Variants in KIRREL3 observed in about 807,000 individuals in gnomAD.
KIRREL3 encodes kirre like nephrin family adhesion molecule 3.
KIRREL3 carries 36 observed loss-of-function variants against 89.7 expected under a neutral mutation model. That is an observed-to-expected ratio of 0.40 (90% CI 0.31 to 0.53). The LOEUF (loss-of-function observed/expected upper bound fraction) is 0.53. Ranked by LOEUF, KIRREL3 falls within the 20% of genes least tolerant of loss-of-function variation. The probability of loss-of-function intolerance (pLI) is 0.49; values close to 1 mark genes in which losing one functional copy is unlikely to be tolerated. For missense variants in KIRREL3, 864 were observed against 1,056.6 expected, an observed-to-expected ratio of 0.82 and a Z score of 2.53; for synonymous variants, 445 against 441.4, an observed-to-expected ratio of 1.01 and a Z score of -0.10.
chr11:126,436,455 CA>C (rs1049250534), intron 12 of KIRREL3, among the ~76,000 whole-genome samples: 3 of 152,260 alleles, frequency 2.0e-5, no homozygotes, highest in African/African-American at 7.2e-5. Flanking sequence ...GGGCCCATGG[CA>C]GAGGGCAGGG....
chr11:126,470,152 C>A (rs1487758320), intron 5 of KIRREL3, among the ~76,000 whole-genome samples: 1 of 152,250 alleles, frequency 6.6e-6, no homozygotes, highest in Admixed American at 6.5e-5. Context: ...AGCAGAGTGA[C>A]CCTGACCTCT....
rs58288550 is a variant in KIRREL3 at position 126,677,052 on chromosome 11, A to ATT, written c.56-114142_56-114141dup. On this transcript the variant is annotated intron_variant, in intron 1 of 16. Coordinates refer to ENST00000525144, the MANE Select transcript of KIRREL3 (RefSeq NM_032531.4). This position sits in a 1 kb window ranked among gnomAD's most constrained non-coding sequence, Gnocchi z 5.1. ...ATCCTCCCGCCTTGGCCTCTCAAAGATTTTTTTTTTTTAACAGCTGTATTG... is the reference window on the plus strand; with the variant it reads ...ATCCTCCCGCCTTGGCCTCTCAAAGATTTTTTTTTTTTTTAACAGCTGTATTG... 6.8e-6 allele frequency among the ~76,000 whole-genome samples: 1 copy of ATT among 146,902 alleles called. No homozygotes were observed. The highest frequency in any genetic ancestry group is 6.8e-5 in the Admixed American group (1 of 14,712).
intron 1 of KIRREL3, among the ~76,000 whole-genome samples, chr11:126,868,792 A>G (rs1328219693): frequency 1.3e-5 from 2 of 152,138 alleles, no homozygotes; most frequent in South Asian, 4.2e-4. Context: ...AACAACAGAG[A>G]TTTACTTCTC....
intron 9 of KIRREL3, among the ~76,000 whole-genome samples, chr11:126,446,262 T>TTC (rs144564841): frequency 2.4e-4 from 33 of 137,914 alleles, no homozygotes; most frequent in Non-Finnish European, 4.3e-4. Flanking sequence ...TTTCTTTTCT[T>TTC]TCTCTCTCTT....
In KIRREL3 at chr11:126,969,514, A is replaced by T. The variant is rs1949372196; in HGVS notation, c.55+30941T>A. Among the ~76,000 whole-genome samples the T allele has an allele frequency of 6.6e-6, 1 of 152,142 alleles. No individual in the cohort carries two copies. ...GAAGAGGGAGTAAGAACGTCTCCTG[A>T]GGGCGGAGGCTGTGGGTAGCAATGG... On this transcript the variant is annotated intron_variant, in intron 1 of 16. Coordinates refer to ENST00000525144, the MANE Select transcript of KIRREL3 (RefSeq NM_032531.4). This position sits in a 1 kb window ranked among gnomAD's most constrained non-coding sequence, Gnocchi z 4.9.
intron 1 of KIRREL3, among the ~76,000 whole-genome samples, chr11:126,659,037 C>T (rs1945278991): frequency 1.3e-5 from 2 of 152,140 alleles, no homozygotes; most frequent in Admixed American, 6.5e-5. Context: ...TATAGGAAAC[C>T]ATTTAGACTG....
rs117765844 is a variant in KIRREL3 at position 126,435,823 on chromosome 11, C to T, written c.1553-520G>A. 2.9e-3 allele frequency among the ~76,000 whole-genome samples: 445 copies of T among 152,208 alleles called. 1 individual carries two copies. Among genetic ancestry groups the T allele is most frequent in the Non-Finnish European group, 4.6e-3 (315 of 68,010 alleles). On this transcript the variant is annotated intron_variant, in intron 12 of 16. Transcript: ENST00000525144. Reference sequence around the variant, plus strand: ...TAGAATCTCTTGCTGGGCCTGACAGCCTGCGAATGGACCTTTACCTAAGAG... The same window carrying T: ...TAGAATCTCTTGCTGGGCCTGACAGTCTGCGAATGGACCTTTACCTAAGAG...
In KIRREL3 at chr11:126,463,351, G is replaced by C. The variant is rs1211905009; in HGVS notation, c.592-44C>G. 1 of 1,586,136 alleles carries C rather than the reference G, an allele frequency of 6.3e-7. No individual in the cohort carries two copies. Among genetic ancestry groups the C allele is most frequent in the South Asian group, 1.1e-5 (1 of 87,396 alleles). ...GGGAGAGAAAGCTCCATGTCGCTTG[G>C]CTGGGGTGGCCAGCCTGGGTTGGGG... On this transcript the variant is annotated intron_variant, in intron 5 of 16. Coordinates refer to ENST00000525144, the MANE Select transcript of KIRREL3 (RefSeq NM_032531.4). The surrounding 1 kb of genome is among the most constrained non-coding windows in gnomAD (Gnocchi z 5.9).
At chr11:126,467,208 C>T (rs905890504) in intron 5 of KIRREL3, among the ~76,000 whole-genome samples, 11 of 152,236 alleles carry the variant, frequency 7.2e-5, no homozygotes, top group East Asian at 1.9e-4. Flanking sequence ...TCTCTCTGGA[C>T]GCTGCCTGCT....
rs540377171 is a variant in KIRREL3 at position 126,457,570 on chromosome 11, A to G, written c.743-1116T>C. ...AGACAAAGATGAGGAAGTGACAGGG[A>G]CAGGGAGAGACATGGGCAGAGAGAC... On this transcript the variant is annotated intron_variant, in intron 6 of 16. Coordinates refer to ENST00000525144, the MANE Select transcript of KIRREL3 (RefSeq NM_032531.4). 1.1e-4 allele frequency among the ~76,000 whole-genome samples: 17 copies of G among 152,070 alleles called. 1 individual carries two copies. Among genetic ancestry groups the G allele is most frequent in the Admixed American group, 1.1e-3 (17 of 15,254 alleles).
rs994859551 is a variant in KIRREL3 at position 126,948,795 on chromosome 11, G to A, written c.55+51660C>T. ...TCCAGCAAGGCAGACAGCTGGATAT[G>A]GGGAGGAGTTCAGAAGCCAGGGAAA... On this transcript the variant is annotated intron_variant, in intron 1 of 16. Transcript: ENST00000525144. The surrounding 1 kb of genome is among the most constrained non-coding windows in gnomAD (Gnocchi z 4.5). Among the ~76,000 whole-genome samples, 1 of 152,158 alleles carries A rather than the reference G, an allele frequency of 6.6e-6. No homozygotes were observed. Among genetic ancestry groups the A allele is most frequent in the Non-Finnish European group, 1.5e-5 (1 of 68,038 alleles).
chr11:126,867,011 G>A lies in KIRREL3; in HGVS notation c.55+133444C>T, dbSNP rs1944947800. Among the ~76,000 whole-genome samples, 1 of 152,242 alleles carries A rather than the reference G, an allele frequency of 6.6e-6. No homozygotes were observed. The highest frequency in any genetic ancestry group is 1.5e-5 in the Non-Finnish European group (1 of 68,052). ...CCCTCTGTCCTTGCGATAAGGCAGA[G>A]GGTCTAATTGAGCTGGTTAACACAA... On this transcript the variant is annotated intron_variant, in intron 1 of 16. Transcript: ENST00000525144. The surrounding 1 kb of genome is among the most constrained non-coding windows in gnomAD (Gnocchi z 4.7).
In KIRREL3 at chr11:126,736,328, G is replaced by A. The variant is rs1000569827; in HGVS notation, c.56-173416C>T. On this transcript the variant is annotated intron_variant, in intron 1 of 16. Coordinates refer to ENST00000525144, the MANE Select transcript of KIRREL3 (RefSeq NM_032531.4). The surrounding 1 kb of genome is among the most constrained non-coding windows in gnomAD (Gnocchi z 5.0). ...TCTCCATTTTGCAGATAAGCAAACC[G>A]AGGCTCAGAGAAGTGAAATCATTTG... Among the ~76,000 whole-genome samples the A allele has an allele frequency of 2.0e-5, 3 of 152,164 alleles. No individual in the cohort carries two copies. The highest frequency in any genetic ancestry group is 2.9e-5 in the Non-Finnish European group (2 of 68,030).
At chr11:126,923,376 C>CTT (rs1555090732) in intron 1 of KIRREL3, among the ~76,000 whole-genome samples, 2 of 3,930 alleles carry the variant, frequency 5.1e-4, no homozygotes, top group African/African-American at 1.6e-3. Context: ...TCTCCTTCTT[C>CTT]CTTCTTCTTC....
intron 1 of KIRREL3, among the ~76,000 whole-genome samples, chr11:126,950,513 C>T (rs1344222215): frequency 6.6e-6 from 1 of 152,226 alleles, no homozygotes; most frequent in East Asian, 1.9e-4. Flanking sequence ...CATTACTTAT[C>T]TTGGAAATGT....
In KIRREL3 at chr11:126,440,545, G is replaced by A. The variant is rs778768782; in HGVS notation, c.1257C>T (p.Pro419=). The A allele has an allele frequency of 3.1e-6, 5 of 1,595,380 alleles. No homozygotes were observed. Among genetic ancestry groups the A allele is most frequent in the East Asian group, 2.3e-5 (1 of 43,990 alleles). Residue 419 remains proline, a synonymous_variant, in exon 11 of 17, where the codon CCC becomes CCT. Transcript: ENST00000525144. ...EREVTLTVNG[P]PIISSTQTQH... is the part of the protein sequence containing the mutation. ...GGGTCTGGGTGCTGGAGATGATGGG[G>A]GGTCCTGTTGAGAAACAGCGTCCCA...
chr11:126,448,653 C>T (rs1331040062), intron 8 of KIRREL3, among the ~76,000 whole-genome samples: 1 of 152,168 alleles, frequency 6.6e-6, no homozygotes, highest in Non-Finnish European at 1.5e-5. Flanking sequence ...GCTTGCTTCT[C>T]TCTTTCTCTC....
intron 1 of KIRREL3, among the ~76,000 whole-genome samples, chr11:126,984,306 A>T (rs1281383550): frequency 2.0e-5 from 3 of 152,234 alleles, no homozygotes; most frequent in Non-Finnish European, 4.4e-5. Context: ...TACCAAGGCC[A>T]TGCACCAGGC....
intron 1 of KIRREL3, among the ~76,000 whole-genome samples, chr11:126,767,312 A>T (rs1592097160): frequency 6.6e-6 from 1 of 152,278 alleles, no homozygotes; most frequent in East Asian, 1.9e-4. Flanking sequence ...TGCTTGGGAC[A>T]AGAGGCAGAA....
Sources: gnomAD v4.1 joint callset for allele counts (sites outside exome capture counted in the v4.1 genomes callset) on GRCh38, gnomAD v4.1.1 for gene constraint, Gnocchi (gnomAD v3.1) non-coding constraint, MANE v1.5 for transcripts, NCBI Gene and HGNC (gene_info 2026-07-23, HGNC 2026-07-21) for gene names.